Variants in CASK observed in about 807,000 individuals in gnomAD.
The protein encoded by CASK is calcium/calmodulin dependent serine protein kinase.
A neutral mutation model predicts 82.9 loss-of-function variants in CASK; 4 were observed. That is an observed-to-expected ratio of 0.05 (90% CI 0.02 to 0.11). The LOEUF (loss-of-function observed/expected upper bound fraction) is 0.11, where lower values mean the gene tolerates loss of function less well. Among genes scored for constraint, CASK ranks in the 10% least tolerant of loss-of-function variants. CASK has a pLI of 1.00. For synonymous variants in CASK, 259 were observed against 253.5 expected (o/e 1.02, Z -0.20); for missense variants, 358 against 720.9 (o/e 0.50, Z 5.76).
chrX:41,769,729 A>C (rs1285550081), intron 3 of CASK, among the ~76,000 whole-genome samples: 1 of 111,020 alleles, frequency 9.0e-6, no homozygotes, highest in African/African-American at 3.3e-5. Context: ...TGATTCCTTG[A>C]GCCCAGGAGT....
chrX:41,660,254 A>G, intron 8 of CASK, 185 bp downstream of exon 8: 1 of 472,964 alleles, frequency 2.1e-6, no homozygotes, highest in Non-Finnish European at 3.7e-6. Flanking sequence ...TGACACTCAA[A>G]TGGTATGTCT....
At chrX:41,909,005 C>T (rs1306986795) in intron 1 of CASK, among the ~76,000 whole-genome samples, 1 of 112,051 alleles carries the variant, frequency 8.9e-6, no homozygotes, top group Non-Finnish European at 1.9e-5. Flanking sequence ...TGATTTGGCC[C>T]ATGGACCATA....
chrX:41,559,622 G>A (rs1436572214), intron 18 of CASK, 157 bp downstream of exon 18: 3 of 524,540 alleles, frequency 5.7e-6, no homozygotes, highest in Admixed American at 5.4e-5. Context: ...AGGTGGATGG[G>A]ACCTACTCTG....
intron 3 of CASK, among the ~76,000 whole-genome samples, chrX:41,771,157 C>T (rs1435907939): frequency 2.7e-5 from 3 of 112,125 alleles, no homozygotes; most frequent in African/African-American, 6.5e-5. Flanking sequence ...AATGACATTA[C>T]CTTCAGAGAA....
At chrX:41,582,506 G>GGT (rs2065595656) in intron 14 of CASK, among the ~76,000 whole-genome samples, 1 of 110,552 alleles carries the variant, frequency 9.0e-6, no homozygotes, top group Non-Finnish European at 1.9e-5. Flanking sequence ...AGTAGAGACA[G>GGT]GTTTCACCAT....
At chrX:41,646,342 A>G (rs1398701231) in intron 8 of CASK, among the ~76,000 whole-genome samples, 1 of 111,419 alleles carries the variant, frequency 9.0e-6, no homozygotes, top group Non-Finnish European at 1.9e-5. Flanking sequence ...CTAGTAATAG[A>G]CTAGGCACCA....
intron 8 of CASK, among the ~76,000 whole-genome samples, chrX:41,645,945 G>C (rs746288038): frequency 3.6e-5 from 4 of 111,155 alleles, no homozygotes; most frequent in Non-Finnish European, 5.7e-5. Context: ...CTACACTAAC[G>C]ATAGTGTGTG....
chrX:41,545,230 G>A (rs2065006345), intron 21 of CASK, among the ~76,000 whole-genome samples: 1 of 111,740 alleles, frequency 8.9e-6, no homozygotes, highest in Non-Finnish European at 1.9e-5. Context: ...GTTTCACCAT[G>A]TCGGCCAGGC....
intron 2 of CASK, among the ~76,000 whole-genome samples, chrX:41,822,609 G>T (rs186384571): frequency 2.8e-5 from 3 of 108,149 alleles, no homozygotes; most frequent in Non-Finnish European, 3.8e-5. Flanking sequence ...AAAAATGCAG[G>T]CTTGCTTAGA....
In CASK at chrX:41,603,458, C is replaced by T. The variant is rs12007433; in HGVS notation, c.1155+6446G>A. ...TGGAAAAATGCTAACTCTCCCTAAA[C>T]GGTAAAAAATTATAATAAAGATGTT... On this transcript the variant is annotated intron_variant, in intron 12 of 26. Transcript: ENST00000378163. 9.2e-3 allele frequency among the ~76,000 whole-genome samples: 1,026 copies of T among 111,550 alleles called. 10 individuals are homozygous for T. The highest frequency in any genetic ancestry group is 0.032 in the African/African-American group (977 of 30,669).
intron 2 of CASK, among the ~76,000 whole-genome samples, chrX:41,843,781 T>C (rs938836929): frequency 1.8e-5 from 2 of 111,566 alleles, no homozygotes; most frequent in African/African-American, 6.5e-5. Context: ...ATAGAACATA[T>C]GTAATCTCGT....
intron 3 of CASK, among the ~76,000 whole-genome samples, chrX:41,784,662 G>T (rs140598739): frequency 0.042 from 4,711 of 111,400 alleles, 121 homozygotes; most frequent in Non-Finnish European, 0.063. Context: ...CAGATCACAA[G>T]GTCAGGAGTT....
intron 11 of CASK, among the ~76,000 whole-genome samples, chrX:41,619,383 C>T (rs1375327704): frequency 9.1e-6 from 1 of 109,627 alleles, no homozygotes; most frequent in Non-Finnish European, 1.9e-5. Flanking sequence ...AAGCAATCCT[C>T]CCACCCCAGC....
chrX:41,821,914 G>A (rs1350365772), intron 2 of CASK, among the ~76,000 whole-genome samples: 2 of 111,922 alleles, frequency 1.8e-5, no homozygotes, highest in East Asian at 2.8e-4. Context: ...CCAGATGTGA[G>A]TTAGTGAGCC....
intron 25 of CASK, among the ~76,000 whole-genome samples, chrX:41,526,431 G>A (rs953062004): frequency 4.5e-5 from 5 of 112,119 alleles, no homozygotes; most frequent in African/African-American, 6.5e-5. Flanking sequence ...GCACTCAGTG[G>A]CCCAGCCTGC....
At chrX:41,831,165 T>C (rs1470025137) in intron 2 of CASK, among the ~76,000 whole-genome samples, 1 of 110,745 alleles carries the variant, frequency 9.0e-6, no homozygotes, top group Non-Finnish European at 1.9e-5. Context: ...TACCTTCACT[T>C]CACACACATA....
At chrX:41,560,689 G>A (rs1338951183) in intron 17 of CASK, among the ~76,000 whole-genome samples, 1 of 104,761 alleles carries the variant, frequency 9.5e-6, no homozygotes, top group Admixed American at 1.0e-4. Flanking sequence ...TCGGGAGTTC[G>A]AGACCAGCCT....
At chrX:41,808,393 A>G (rs994807650) in intron 2 of CASK, among the ~76,000 whole-genome samples, 2 of 111,915 alleles carry the variant, frequency 1.8e-5, no homozygotes, top group African/African-American at 6.5e-5. Flanking sequence ...TAGGCATAAC[A>G]TGGCACCTTT....
chrX:41,597,354 A>T (rs2065836018), intron 12 of CASK, among the ~76,000 whole-genome samples: 2 of 112,647 alleles, frequency 1.8e-5, no homozygotes, highest in Admixed American at 1.9e-4. Context: ...ATTAGCAACC[A>T]TCATCTTATC....
Sources: gnomAD v4.1 joint callset for allele counts (sites outside exome capture counted in the v4.1 genomes callset) on GRCh38, gnomAD v4.1.1 for gene constraint, MANE v1.5 for transcripts, NCBI Gene and HGNC (gene_info 2026-07-23, HGNC 2026-07-21) for gene names.